The following GPRC5A variants were observed in gnomAD, a reference collection of about 807,000 sequenced individuals.
GPRC5A encodes G protein-coupled receptor class C group 5 member A, also known as retinoic acid-induced protein 3.
A neutral mutation model predicts 22.5 loss-of-function variants in GPRC5A; 19 were observed. The observed-to-expected ratio is 0.85, with a 90% CI of 0.59 to 1.24. The LOEUF is 1.24. GPRC5A is among the 50% of genes most tolerant of loss of function. GPRC5A has a pLI of 0.00. For missense variants in GPRC5A, 471 were observed against 451.1 expected, an observed-to-expected ratio of 1.04 and a Z score of -0.40; for synonymous variants, 192 against 184.5, an observed-to-expected ratio of 1.04 and a Z score of -0.33.
chr12:12,893,886 C>T lies in GPRC5A; in HGVS notation c.-8+2222C>T, dbSNP rs112139526. ...AAGCCATTCTCCTGCCTCAGGCTCC[C>T]AAGTAGCTGGGATTACAGGCGCCCG... On this transcript the variant is annotated intron_variant, in intron 1 of 3. Transcript: ENST00000014914. Among the ~76,000 whole-genome samples, 208 of 152,234 alleles carry T rather than the reference C, an allele frequency of 1.4e-3. 1 individual carries two copies. The highest frequency in any genetic ancestry group is 4.8e-3 in the African/African-American group (198 of 41,548).
chr12:12,911,151 A>T (rs548000677), intron 2 of GPRC5A, among the ~76,000 whole-genome samples: 95 of 152,190 alleles, frequency 6.2e-4, no homozygotes, highest in African/African-American at 2.3e-3. Context: ...GATTACAGGC[A>T]TGAGCCACCG....
chr12:12,907,143 C>T (rs548626652), intron 1 of GPRC5A, among the ~76,000 whole-genome samples: 18 of 152,002 alleles, frequency 1.2e-4, no homozygotes, highest in African/African-American at 3.9e-4. Flanking sequence ...AGGACCCAGC[C>T]GCTGGCTCAG....
At chr12:12,908,079 G>A (rs553323265) in intron 1 of GPRC5A, among the ~76,000 whole-genome samples, 164 bp from the exon 2 acceptor site, 1 of 152,320 alleles carries the variant, frequency 6.6e-6, no homozygotes, top group South Asian at 2.1e-4. Context: ...TACTACAGGA[G>A]GTAGAGGAAA....
chr12:12,911,075 C>T (rs1863998865), intron 2 of GPRC5A, among the ~76,000 whole-genome samples: 1 of 151,980 alleles, frequency 6.6e-6, no homozygotes, highest in African/African-American at 2.4e-5. Flanking sequence ...GTTTCACCAT[C>T]TTGGCCAGGC....
Position 12,895,055 on chromosome 12 carries a change from G to C in GPRC5A, c.-8+3391G>C, listed in dbSNP as rs144582051. Among the ~76,000 whole-genome samples the C allele has an allele frequency of 2.7e-3, 418 of 152,248 alleles. 1 individual carries two copies. The highest frequency in any genetic ancestry group is 0.016 in the East Asian group (84 of 5,184). On this transcript the variant is annotated intron_variant, in intron 1 of 3. Transcript: ENST00000014914. ...AGCCTCCCAAAGTGCTGGGATTACA[G>C]GCGTGAGCCACCGTGCCCGGCCCAG... is the stretch of plus-strand genomic sequence containing the variant.
At chr12:12,900,062 C>T (rs1361974431) in intron 1 of GPRC5A, among the ~76,000 whole-genome samples, 4 of 152,212 alleles carry the variant, frequency 2.6e-5, no homozygotes, top group African/African-American at 7.2e-5. Flanking sequence ...CACATGTTCA[C>T]GTTTTTCCCT....
In GPRC5A at chr12:12,917,318, C is replaced by G. The variant is rs1358312191; in HGVS notation, c.*4779C>G. 1 of 151,806 alleles carries G rather than the reference C, an allele frequency of 6.6e-6. No homozygotes were observed. The highest frequency in any genetic ancestry group is 1.5e-5 in the Non-Finnish European group (1 of 68,140). The allele number at this position is 151,806 out of a possible 1,614,324, so 9.4% of individuals were successfully genotyped here. A position where few individuals can be genotyped will look rare whatever the true frequency, so the allele number is the denominator to read the frequency against. ...CCTCCAGATTTCTTTCTTGACCCTT[C>G]AAAGTGGAACAGTCCAGTGCCAAAA... On this transcript the variant is annotated 3_prime_UTR_variant, in exon 4 of 4. Transcript: ENST00000014914.
intron 1 of GPRC5A, among the ~76,000 whole-genome samples, chr12:12,902,358 T>TA (rs1863897870): frequency 6.6e-6 from 1 of 151,650 alleles, no homozygotes; most frequent in African/African-American, 2.4e-5. Flanking sequence ...TTTTTTTTTT[T>TA]AAAGACATTT....
rs185597732 is a variant in GPRC5A, at chr12:12,897,498, G to A, written c.-8+5834G>A. Among the ~76,000 whole-genome samples the A allele has an allele frequency of 9.9e-5, 15 of 152,162 alleles. No homozygotes were observed. In the East Asian group the frequency reaches 2.7e-3, roughly 27 times the overall value. ...GCTTGCCTTGCACGGAGGTGGAGAC[G>A]GGAGTTAGGGAGGAAGGAGGAGATA... On this transcript the variant is annotated intron_variant, in intron 1 of 3. Coordinates refer to ENST00000014914, the MANE Select transcript of GPRC5A (RefSeq NM_003979.4).
Position 12,914,590 on chromosome 12 carries a change from TTCTTTC to T in GPRC5A, c.*2055_*2060del, listed in dbSNP as rs1565466574. The T allele has an allele frequency of 7.7e-5, 5 of 65,264 alleles. No individual in the cohort carries two copies. The highest frequency in any genetic ancestry group is 2.4e-4 in the African/African-American group (3 of 12,328). 4.0% of individuals were successfully genotyped at this position (65,264 alleles called of 1,614,324 possible). On this transcript the variant is annotated 3_prime_UTR_variant, in exon 4 of 4. Coordinates refer to ENST00000014914, the MANE Select transcript of GPRC5A (RefSeq NM_003979.4). ...TTTCTTTCTTTCTTTCTTTCTTTCT[TTCTTTC>T]TCTCTCTCTCTCTCTCTCTCTTTCT...
rs1864017037 is a variant in GPRC5A, at chr12:12,912,624, C to A, written c.*85C>A. ...GGATGTGGGCGAAATCTTGAGTCTTCTGAGAAAACTGTACAAGACACTACG... is the reference window on the plus strand; with the variant it reads ...GGATGTGGGCGAAATCTTGAGTCTTATGAGAAAACTGTACAAGACACTACG... On this transcript the variant is annotated 3_prime_UTR_variant, in exon 4 of 4. Coordinates refer to ENST00000014914, the MANE Select transcript of GPRC5A (RefSeq NM_003979.4). The A allele has an allele frequency of 6.2e-6, 5 of 803,166 alleles. No individual in the cohort carries two copies. Among genetic ancestry groups the A allele is most frequent in the Non-Finnish European group, 1.1e-5 (5 of 455,436 alleles). The allele number at this position is 803,166 out of a possible 1,614,324, so 49.8% of individuals were successfully genotyped here.
In GPRC5A at chr12:12,917,476, C is replaced by T. The variant is rs1864077983; in HGVS notation, c.*4937C>T. ...TTTGGGTCTGTGTTCTTTCTACCGTCAGCACCTGTGTGGTCAATTCTGGAC... is the reference window on the plus strand; with the variant it reads ...TTTGGGTCTGTGTTCTTTCTACCGTTAGCACCTGTGTGGTCAATTCTGGAC... On this transcript the variant is annotated 3_prime_UTR_variant, in exon 4 of 4. Transcript: ENST00000014914. 6.6e-6 allele frequency: 1 copy of T among 152,044 alleles called. No individual in the cohort carries two copies. Among genetic ancestry groups the T allele is most frequent in the Non-Finnish European group, 1.5e-5 (1 of 68,036 alleles). The allele number at this position is 152,044 out of a possible 1,614,324, so 9.4% of individuals were successfully genotyped here. A position where few individuals can be genotyped will look rare whatever the true frequency, so the allele number is the denominator to read the frequency against.
chr12:12,894,979 C>T (rs113556348), intron 1 of GPRC5A, among the ~76,000 whole-genome samples: 28,446 of 151,466 alleles, frequency 0.19, 4,084 homozygotes, highest in African/African-American at 0.4. Context: ...AGGGTTTCAC[C>T]GTGTTAGCCA....
intron 1 of GPRC5A, among the ~76,000 whole-genome samples, chr12:12,899,670 A>G (rs1463363160): frequency 6.6e-6 from 1 of 152,206 alleles, no homozygotes; most frequent in Non-Finnish European, 1.5e-5. Context: ...CTGACTCATA[A>G]TAGGACTCAG....
rs1453028624 is a variant in GPRC5A, at chr12:12,912,631, A to T, written c.*92A>T. ...GGCGAAATCTTGAGTCTTCTGAGAA[A>T]ACTGTACAAGACACTACGGGAACAG... On this transcript the variant is annotated 3_prime_UTR_variant, in exon 4 of 4. Transcript: ENST00000014914. 2.5e-6 allele frequency: 2 copies of T among 788,558 alleles called. No individual in the cohort carries two copies. The highest frequency in any genetic ancestry group is 4.9e-5 in the East Asian group (2 of 41,006). 48.8% of individuals were successfully genotyped at this position (788,558 alleles called of 1,614,324 possible). A position where few individuals can be genotyped will look rare whatever the true frequency, so the allele number is the denominator to read the frequency against.
intron 1 of GPRC5A, among the ~76,000 whole-genome samples, chr12:12,899,758 C>A (rs1260885672): frequency 2.0e-5 from 3 of 152,028 alleles, no homozygotes; most frequent in Non-Finnish European, 4.4e-5. Context: ...TGTAGCAATT[C>A]GAGAATAGAG....
rs753471958 is a variant in GPRC5A at position 12,908,900 on chromosome 12, G to C, written c.651G>C (p.Met217Ile). The change falls in exon 2 of 4, where the codon ATG becomes ATC. Residue 217 changes from methionine to isoleucine, a missense_variant. By Grantham distance (10) the Met-to-Ile change is conservative. Coordinates refer to ENST00000014914, the MANE Select transcript of GPRC5A (RefSeq NM_003979.4). ...ATGGGGCCCACATCTACCTCACGAT[G>C]CTCCTCTCCATTGCCATCTGGGTGG... is the stretch of plus-strand genomic sequence containing the variant. ...KRHGAHIYLTMLLSIAIWVAW... is the reference protein window; with the variant it reads ...KRHGAHIYLTILLSIAIWVAW... 1 of 1,614,124 alleles carries C rather than the reference G, an allele frequency of 6.2e-7. No homozygotes were observed. Among genetic ancestry groups the C allele is most frequent in the Admixed American group, 1.7e-5 (1 of 60,018 alleles).
chr12:12,906,477 G>A (rs1049518477), intron 1 of GPRC5A, among the ~76,000 whole-genome samples: 2 of 152,146 alleles, frequency 1.3e-5, no homozygotes, highest in Non-Finnish European at 2.9e-5. Flanking sequence ...GGCTGAGGTC[G>A]GGGGAGGATG....
In GPRC5A at chr12:12,914,578, T is replaced by TTCTTTCTTTCTTTCTTTC. The variant is rs1354164472; in HGVS notation, c.*2043_*2060dup. The TTCTTTCTTTCTTTCTTTC allele has an allele frequency of 1.1e-5, 1 of 87,588 alleles. No homozygotes were observed. Among genetic ancestry groups the TTCTTTCTTTCTTTCTTTC allele is most frequent in the Non-Finnish European group, 2.1e-5 (1 of 48,320 alleles). 5.4% of individuals were successfully genotyped at this position (87,588 alleles called of 1,614,324 possible). A position where few individuals can be genotyped will look rare whatever the true frequency, so the allele number is the denominator to read the frequency against. On this transcript the variant is annotated 3_prime_UTR_variant, in exon 4 of 4. Transcript: ENST00000014914. ...TTTCTTTCTTTCTTTCTTTCTTTCTTTCTTTCTTTCTTTCTTTCTCTCTCT... is the reference window on the plus strand; with the variant it reads ...TTTCTTTCTTTCTTTCTTTCTTTCTTTCTTTCTTTCTTTCTTTCTCTTTCTTTCTTTCTTTCTCTCTCT...
Sources: allele counts gnomAD v4.1 joint callset (sites outside exome capture counted in the v4.1 genomes callset), GRCh38; gene constraint gnomAD v4.1.1; transcripts MANE v1.5; gene names NCBI Gene and HGNC (gene_info 2026-07-23, HGNC 2026-07-21).